DNER: variants seen among roughly 807,000 people sequenced by gnomAD.
DNER encodes the protein delta/notch like EGF repeat containing, also known as delta and Notch-like epidermal growth factor-related receptor.
A neutral mutation model predicts 78.2 loss-of-function variants in DNER; 33 were observed. That is an observed-to-expected ratio of 0.42 (90% confidence interval 0.32 to 0.56). The LOEUF (loss-of-function observed/expected upper bound fraction) is 0.56. DNER is among the 20% of genes least tolerant of loss of function. The probability of loss-of-function intolerance (pLI) is 0.11; values close to 1 mark genes in which losing one functional copy is unlikely to be tolerated. For missense variants in DNER, 918 were observed against 975.3 expected (o/e 0.94, Z 0.78); for synonymous variants, 417 against 384.8 (o/e 1.08, Z -0.98).
chr2:229,473,265 G>A (rs948883965), intron 7 of DNER, among the ~76,000 whole-genome samples: 5 of 152,170 alleles, frequency 3.3e-5, no homozygotes, highest in African/African-American at 9.7e-5. Context: ...AAACAGCAGA[G>A]ACATTTAGAA....
intron 6 of DNER, among the ~76,000 whole-genome samples, chr2:229,483,585 A>G (rs1695210758): frequency 6.6e-6 from 1 of 152,210 alleles, no homozygotes; most frequent in South Asian, 2.1e-4. Context: ...AGAGCTTGAG[A>G]ATCATTATAG....
In DNER at chr2:229,385,727, G is replaced by A. The variant is rs530853674; in HGVS notation, c.1855+2538C>T. On this transcript the variant is annotated intron_variant, in intron 11 of 12. Coordinates refer to ENST00000341772, the MANE Select transcript of DNER (RefSeq NM_139072.4). Reference sequence around the variant, plus strand: ...TGAGTGAACTCTCATTCACAATTGCGACAGAGAATAAAATACATAAGAATA... The same window carrying A: ...TGAGTGAACTCTCATTCACAATTGCAACAGAGAATAAAATACATAAGAATA... Among the ~76,000 whole-genome samples the A allele has an allele frequency of 9.3e-4, 141 of 151,336 alleles. 1 individual carries two copies. The South Asian group carries it at 9.6e-3, about 10-fold the overall frequency.
chr2:229,591,613 C>T lies in DNER; in HGVS notation c.552G>A (p.Gln184=). The T allele has an allele frequency of 6.2e-7, 1 of 1,614,188 alleles. No homozygotes were observed. Among genetic ancestry groups the T allele is most frequent in the Non-Finnish European group, 8.5e-7 (1 of 1,180,008 alleles). ...TLPTWQPKTG[Q]KVVEMKWDQV... is the part of the protein sequence containing the mutation. ...GATCCCATTTCATTTCTACAACTTT[C>T]TGCCCTGTTTTCGGCTGCCAGGTAG... is the stretch of plus-strand genomic sequence containing the variant. The change falls in exon 2 of 13, where the codon CAG becomes CAA. Residue 184 remains glutamine (Q), a synonymous_variant. Coordinates refer to ENST00000341772, the MANE Select transcript of DNER (RefSeq NM_139072.4). This position sits in a 1 kb window ranked among gnomAD's most constrained non-coding sequence, Gnocchi z 4.6.
At chr2:229,614,688 A>G (rs1484098120) in intron 1 of DNER, among the ~76,000 whole-genome samples, 1 of 152,220 alleles carries the variant, frequency 6.6e-6, no homozygotes, top group African/African-American at 2.4e-5. Context: ...CCCGGGCATA[A>G]GAGACTGGGC....
At chr2:229,505,258 A>AAG (rs146926778) in intron 6 of DNER, among the ~76,000 whole-genome samples, 2,777 of 150,240 alleles carry the variant, frequency 0.018, 135 homozygotes, top group East Asian at 0.16. Context: ...GCTAAGCTAA[A>AAG]AGAGAGAGAG....
chr2:229,670,995 A>G (rs994380878), intron 1 of DNER, among the ~76,000 whole-genome samples: 4 of 152,124 alleles, frequency 2.6e-5, no homozygotes, highest in South Asian at 2.1e-4. Context: ...AGGGAGGGGG[A>G]ATTTTTTTCT....
At chr2:229,546,913 A>G (rs1453588539) in intron 5 of DNER, 34 bp downstream of exon 5, 4 of 1,613,172 alleles carry the variant, frequency 2.5e-6, no homozygotes, top group African/African-American at 1.3e-5. Flanking sequence ...TCATGTAAAT[A>G]TGTGTATTTA....
chr2:229,694,660 C>T (rs955721549), intron 1 of DNER, among the ~76,000 whole-genome samples: 1 of 152,082 alleles, frequency 6.6e-6, no homozygotes, highest in African/African-American at 2.4e-5. Flanking sequence ...ACTTGTAGCC[C>T]CTTTGTTTTG....
rs187976592 is a variant in DNER, at chr2:229,659,987, G to A, written c.276+54161C>T. Among the ~76,000 whole-genome samples, 17 of 152,216 alleles carry A rather than the reference G, an allele frequency of 1.1e-4. No homozygotes were observed. In the East Asian group the frequency reaches 3.3e-3, roughly 29 times the overall value. On this transcript the variant is annotated intron_variant, in intron 1 of 12. Coordinates refer to ENST00000341772, the MANE Select transcript of DNER (RefSeq NM_139072.4). ...TACTGTATTTATTATACCTGTGCTT[G>A]TAAGTTAGGTATACACATACCTCAT...
At chr2:229,517,707 A>G (rs1392359495) in intron 5 of DNER, among the ~76,000 whole-genome samples, 2 of 152,184 alleles carry the variant, frequency 1.3e-5, no homozygotes, top group African/African-American at 2.4e-5. Flanking sequence ...CTCCCAGAAG[A>G]CATTTGGCAA....
intron 11 of DNER, among the ~76,000 whole-genome samples, chr2:229,370,819 G>A (rs567743297): frequency 2.6e-5 from 4 of 152,280 alleles, no homozygotes; most frequent in African/African-American, 9.6e-5. Context: ...AAGATCACAT[G>A]AGTTCTTGAT....
intron 1 of DNER, among the ~76,000 whole-genome samples, chr2:229,596,995 G>A (rs10933304): frequency 0.49 from 74,403 of 151,188 alleles, 19,120 homozygotes; most frequent in Non-Finnish European, 0.59. Context: ...ACATGCACAC[G>A]CACACATATA....
intron 9 of DNER, among the ~76,000 whole-genome samples, chr2:229,410,262 C>T (rs1050539023): frequency 2.6e-5 from 4 of 152,202 alleles, no homozygotes; most frequent in Admixed American, 6.5e-5. Context: ...GTCATTGTCA[C>T]GGAGTTCACT....
At chr2:229,576,176 T>A (rs1046594167) in intron 4 of DNER, among the ~76,000 whole-genome samples, 2 of 152,220 alleles carry the variant, frequency 1.3e-5, no homozygotes, top group Non-Finnish European at 2.9e-5. Flanking sequence ...GCATTTTTTT[T>A]AAATCTTAAG....
intron 1 of DNER, among the ~76,000 whole-genome samples, chr2:229,648,231 G>A (rs527797879): frequency 3.9e-5 from 6 of 152,180 alleles, no homozygotes; most frequent in East Asian, 1.9e-4. Flanking sequence ...ACCTAGATAC[G>A]GGACTGTACC....
intron 1 of DNER, among the ~76,000 whole-genome samples, chr2:229,636,051 C>G (rs1341653793): frequency 6.6e-6 from 1 of 151,992 alleles, no homozygotes; most frequent in Non-Finnish European, 1.5e-5. Flanking sequence ...AAGACAGAAC[C>G]AGGATTTGAA....
chr2:229,572,613 G>A (rs943398532), intron 4 of DNER, among the ~76,000 whole-genome samples: 5 of 152,154 alleles, frequency 3.3e-5, no homozygotes, highest in Admixed American at 1.3e-4. Flanking sequence ...GAAGAGAAAG[G>A]AAAGGAAAGC....
At chr2:229,681,062 A>G (rs1045228719) in intron 1 of DNER, among the ~76,000 whole-genome samples, 1 of 152,346 alleles carries the variant, frequency 6.6e-6, no homozygotes, top group East Asian at 1.9e-4. Context: ...GTATGCTGAT[A>G]AAAGTTTAAC....
intron 1 of DNER, among the ~76,000 whole-genome samples, chr2:229,612,394 A>AC (rs916667560): frequency 1.3e-5 from 2 of 152,150 alleles, no homozygotes; most frequent in African/African-American, 4.8e-5. Context: ...AAAGGACAAA[A>AC]CATCCCAGAG....
Sources: gnomAD v4.1 joint callset for allele counts (sites outside exome capture counted in the v4.1 genomes callset) on GRCh38, gnomAD v4.1.1 for gene constraint, Gnocchi (gnomAD v3.1) non-coding constraint, MANE v1.5 for transcripts, NCBI Gene and HGNC (gene_info 2026-07-23, HGNC 2026-07-21) for gene names.